Variants in DUSP10 observed in about 807,000 individuals in gnomAD.
The protein encoded by DUSP10 is dual specificity phosphatase 10.
A neutral mutation model predicts 30.8 loss-of-function variants in DUSP10; 14 were observed. That is an observed-to-expected ratio of 0.46 (90% confidence interval 0.30 to 0.71). The LOEUF is 0.71. Ranked by LOEUF, DUSP10 falls within the 30% of genes least tolerant of loss-of-function variation. The probability of loss-of-function intolerance (pLI) is 0.08; values close to 1 mark genes in which losing one functional copy is unlikely to be tolerated. For missense variants in DUSP10, 550 were observed against 619.4 expected, an observed-to-expected ratio of 0.89 and a Z score of 1.19; for synonymous variants, 254 against 250.4, an observed-to-expected ratio of 1.01 and a Z score of -0.14.
chr1:221,735,135 G>A (rs771672446), intron 2 of DUSP10, among the ~76,000 whole-genome samples: 21 of 152,202 alleles, frequency 1.4e-4, no homozygotes, highest in Non-Finnish European at 2.5e-4. Flanking sequence ...TCCTCCCCAT[G>A]GATCATCCTT....
chr1:221,737,546 AC>A, intron 2 of DUSP10: 1 of 788,430 alleles, frequency 1.3e-6, no homozygotes, highest in Non-Finnish European at 1.5e-6. Context: ...AACCACCACG[AC>A]CAGGAAATGT....
At chr1:221,707,636 T>C (rs2102615930) in intron 2 of DUSP10, among the ~76,000 whole-genome samples, 1 of 152,320 alleles carries the variant, frequency 6.6e-6, no homozygotes, top group East Asian at 1.9e-4. Flanking sequence ...GCTAGATATA[T>C]GGAGATGTTC....
chr1:221,736,817 G>T (rs547111762), intron 2 of DUSP10: 3 of 985,096 alleles, frequency 3.0e-6, no homozygotes, highest in African/African-American at 3.5e-5. Flanking sequence ...TGAAGAAAAG[G>T]CCCCCAAAAC....
chr1:221,732,269 A>G (rs1661632715), intron 2 of DUSP10, among the ~76,000 whole-genome samples: 1 of 152,222 alleles, frequency 6.6e-6, no homozygotes, highest in African/African-American at 2.4e-5. Context: ...GAAGCCTAAG[A>G]TGGTTGGGCT....
At chr1:221,737,239 CAA>C in intron 2 of DUSP10, 1 of 985,410 alleles carries the variant, frequency 1.0e-6, no homozygotes, top group African/African-American at 1.7e-5. Flanking sequence ...CATGAAGACA[CAA>C]AAGACTTGCT....
At chr1:221,736,886 C>CACCA in intron 2 of DUSP10, 4 of 985,500 alleles carry the variant, frequency 4.1e-6, no homozygotes, top group Non-Finnish European at 4.8e-6. Flanking sequence ...CGCGGTGTCT[C>CACCA]ACCAACTCGA....
chr1:221,738,851 G>T, intron 2 of DUSP10, 83 bp downstream of exon 2: 1 of 1,497,438 alleles, frequency 6.7e-7, no homozygotes, highest in Non-Finnish European at 9.0e-7. Context: ...GCCAGGGTAA[G>T]GAGAATGCTG....
In DUSP10 at chr1:221,706,210, A is replaced by C; in HGVS notation, c.1068T>G (p.Thr356=). ...TCTCATAGTGGTAGAGGGGAAGATGAGTGGTGACGTTGATGACGTAGCCGA... is the reference window on the plus strand; with the variant it reads ...TCTCATAGTGGTAGAGGGGAAGATGCGTGGTGACGTTGATGACGTAGCCGA... ...LNIGYVINVT[T]HLPLYHYEKG... Residue 356 remains threonine (T), a synonymous_variant, in exon 3 of 4, where the codon ACT becomes ACG. Coordinates refer to ENST00000366899, the MANE Select transcript of DUSP10 (RefSeq NM_007207.6). The surrounding 1 kb of genome is among the most constrained non-coding windows in gnomAD (Gnocchi z 4.6). 6.2e-7 allele frequency: 1 copy of C among 1,614,094 alleles called. No individual in the cohort carries two copies. The highest frequency in any genetic ancestry group is 8.5e-7 in the Non-Finnish European group (1 of 1,180,004).
intron 2 of DUSP10, chr1:221,737,519 T>C (rs1478294197): frequency 1.0e-6 from 1 of 957,624 alleles, no homozygotes; most frequent in Non-Finnish European, 1.2e-6. Context: ...ATTTGTGACC[T>C]CAAGAAAACC....
chr1:221,721,629 A>G (rs12034061), intron 2 of DUSP10, among the ~76,000 whole-genome samples: 1,773 of 152,266 alleles, frequency 0.012, 50 homozygotes, highest in East Asian at 0.061. Flanking sequence ...GGAGGGCTGA[A>G]ATCCAAGGCA....
chr1:221,737,106 T>TC (rs1661798138), intron 2 of DUSP10: 1 of 985,284 alleles, frequency 1.0e-6, no homozygotes. Context: ...GACTGATGGG[T>TC]CACCCCTATC....
At chr1:221,727,886 G>A (rs1661470328) in intron 2 of DUSP10, among the ~76,000 whole-genome samples, 1 of 152,082 alleles carries the variant, frequency 6.6e-6, no homozygotes, top group African/African-American at 2.4e-5. Context: ...TTACTGCTAT[G>A]GTTTGAATAT....
chr1:221,705,908 G>T lies in DUSP10; in HGVS notation c.1183+187C>A, dbSNP rs1660745781. ...CTGTCCTTTTATATCCATCCTGATG[G>T]CTTGGATACACTCGACAGGCTATGA... is the stretch of plus-strand genomic sequence containing the variant. On this transcript the variant is annotated intron_variant, in intron 3 of 3. Transcript: ENST00000366899. 2.6e-5 allele frequency among the ~76,000 whole-genome samples: 4 copies of T among 152,160 alleles called. No homozygotes were observed. In the South Asian group the frequency reaches 8.3e-4, roughly 31 times the overall value.
rs1238070099 is a variant in DUSP10, at chr1:221,738,977, G to A, written c.768C>T (p.Leu256=). ...CTTTGCCTTCTCTCTTCAGGGACTC[G>A]AGGACTATGTGAAGTGGCTGGGAGG... ...VMPSQPLHIV[L]ESLKREGKEP... The change falls in exon 2 of 4, where the codon CTC becomes CTT. Residue 256 remains leucine, a synonymous_variant. Transcript: ENST00000366899. The A allele has an allele frequency of 5.0e-6, 8 of 1,613,936 alleles. No individual in the cohort carries two copies. In the East Asian group the frequency reaches 8.9e-5, roughly 18 times the overall value.
intron 2 of DUSP10, among the ~76,000 whole-genome samples, chr1:221,710,749 C>G (rs1167070770): frequency 6.6e-6 from 1 of 152,176 alleles, no homozygotes; most frequent in African/African-American, 2.4e-5. Context: ...TCCTAGCTTT[C>G]CTAACAAACA....
rs1660678978 is a variant in DUSP10, at chr1:221,703,792, G to A, written c.1184-1115C>T. Among the ~76,000 whole-genome samples the A allele has an allele frequency of 3.9e-5, 6 of 152,324 alleles. No individual in the cohort carries two copies. In the South Asian group the frequency reaches 1.2e-3, roughly 32 times the overall value. On this transcript the variant is annotated intron_variant, in intron 3 of 3. Transcript: ENST00000366899. ...AACACCAATTAGATAAACAGGTAGGGAAGGAGAAGGGGTAGAGAGAGTAGT... is the reference window on the plus strand; with the variant it reads ...AACACCAATTAGATAAACAGGTAGGAAAGGAGAAGGGGTAGAGAGAGTAGT...
chr1:221,737,338 T>A (rs900571295), intron 2 of DUSP10: 9 of 985,304 alleles, frequency 9.1e-6, no homozygotes, highest in African/African-American at 1.7e-5. Flanking sequence ...CAAGACAAAC[T>A]ATTACAAATG....
chr1:221,703,219 G>GTATA (rs113205295), intron 3 of DUSP10, among the ~76,000 whole-genome samples: 1 of 149,342 alleles, frequency 6.7e-6, no homozygotes, highest in East Asian at 2.0e-4. Flanking sequence ...GTGTGTGTGT[G>GTATA]TATATATATA....
chr1:221,704,262 G>C (rs887432926), intron 3 of DUSP10, among the ~76,000 whole-genome samples: 8 of 150,776 alleles, frequency 5.3e-5, no homozygotes, highest in African/African-American at 1.7e-4. Flanking sequence ...TGCAGGTTGT[G>C]ATATGGAGTT....
Sources: gnomAD v4.1 joint callset for allele counts (sites outside exome capture counted in the v4.1 genomes callset) on GRCh38, gnomAD v4.1.1 for gene constraint, Gnocchi (gnomAD v3.1) non-coding constraint, MANE v1.5 for transcripts, NCBI Gene and HGNC (gene_info 2026-07-23, HGNC 2026-07-21) for gene names.